Variants in ADAM11 observed in about 807,000 individuals in gnomAD.
ADAM11 encodes disintegrin and metalloproteinase domain-containing protein 11.
Under a neutral mutation model 119.1 loss-of-function variants are expected in ADAM11, and 49 were observed. The ratio of observed to expected loss-of-function variants is 0.41; its 90% CI spans 0.33 to 0.52. The LOEUF (loss-of-function observed/expected upper bound fraction) is 0.52. Ranked by LOEUF, ADAM11 falls within the 20% of genes least tolerant of loss-of-function variation. The pLI is 0.20. For missense variants in ADAM11, 777 were observed against 1,047.5 expected (o/e 0.74, Z 3.56); for synonymous variants, 364 against 408.0 (o/e 0.89, Z 1.30).
Position 44,777,878 on chromosome 17 carries a change from C to T in ADAM11, c.2070+15C>T. ...CCCACCACGGGGTGACTGCCTGGAG[C>T]CTGGGATGGCGGGAGAAGCTTACAA... is the stretch of plus-strand genomic sequence containing the variant. On this transcript the variant is annotated intron_variant, in intron 23 of 26. Transcript: ENST00000200557. The surrounding 1 kb of genome is among the most constrained non-coding windows in gnomAD (Gnocchi z 5.1). The T allele has an allele frequency of 6.2e-7, 1 of 1,613,484 alleles. No individual in the cohort carries two copies. Among genetic ancestry groups the T allele is most frequent in the South Asian group, 1.1e-5 (1 of 91,064 alleles).
chr17:44,769,145 G>A lies in ADAM11; in HGVS notation c.238-573G>A, dbSNP rs182224864. 2.1e-3 allele frequency among the ~76,000 whole-genome samples: 320 copies of A among 152,358 alleles called. 4 individuals carry two copies. The highest frequency in any genetic ancestry group is 6.8e-3 in the African/African-American group (282 of 41,590). ...ATGGATTTGGGGGTAGAGGAGCCAA[G>A]TCCTTACTCCCAACAGGATGGCACC... On this transcript the variant is annotated intron_variant, in intron 2 of 26. Transcript: ENST00000200557.
Position 44,774,760 on chromosome 17 carries a change from G to A in ADAM11, c.1220+11G>A, listed in dbSNP as rs1422321989. ...CATGGAGGACACTGGGTGAGTTCTT[G>A]GGGACAAACCGGGGGAAGGTCTTGG... On this transcript the variant is annotated intron_variant, in intron 14 of 26. Coordinates refer to ENST00000200557, the MANE Select transcript of ADAM11 (RefSeq NM_002390.6). The A allele has an allele frequency of 5.0e-6, 8 of 1,590,948 alleles. No homozygotes were observed. Among genetic ancestry groups the A allele is most frequent in the Non-Finnish European group, 6.8e-6 (8 of 1,174,122 alleles).
rs190314178 is a variant in ADAM11 at position 44,776,730 on chromosome 17, C to T, written c.1567-15C>T. On this transcript the variant is annotated splice_polypyrimidine_tract_variant and intron_variant, in intron 18 of 26. Coordinates refer to ENST00000200557, the MANE Select transcript of ADAM11 (RefSeq NM_002390.6). The surrounding 1 kb of genome is among the most constrained non-coding windows in gnomAD (Gnocchi z 5.2). Reference sequence around the variant, plus strand: ...CCTGGGACTGCTCCGCTCAACCCCACCCCTCTCTCCACAGTGCCCGCCTAA... The same window carrying T: ...CCTGGGACTGCTCCGCTCAACCCCATCCCTCTCTCCACAGTGCCCGCCTAA... 8.1e-6 allele frequency: 13 copies of T among 1,613,970 alleles called. No homozygotes were observed. The highest frequency in any genetic ancestry group is 1.1e-5 in the Non-Finnish European group (13 of 1,179,946).
At chr17:44,762,357 C>T (rs574647519) in intron 2 of ADAM11, among the ~76,000 whole-genome samples, 11 of 152,300 alleles carry the variant, frequency 7.2e-5, no homozygotes, top group South Asian at 2.1e-4. Flanking sequence ...TTTTCCCCAA[C>T]GGTAAGGAGA....
At position 44,773,170 on chromosome 17, in the gene ADAM11, C is replaced by T; in HGVS notation, c.825+85C>T. On this transcript the variant is annotated intron_variant, in intron 10 of 26. Coordinates refer to ENST00000200557, the MANE Select transcript of ADAM11 (RefSeq NM_002390.6). The surrounding 1 kb of genome is among the most constrained non-coding windows in gnomAD (Gnocchi z 4.6). ...ATTAGGGGGCACTGTCAGCCCCTGG[C>T]TCCCACTTCCTGGAGAGAACAGACA... The T allele has an allele frequency of 6.3e-7, 1 of 1,590,532 alleles. No homozygotes were observed. Among genetic ancestry groups the T allele is most frequent in the Non-Finnish European group, 8.6e-7 (1 of 1,162,354 alleles).
chr17:44,765,192 C>T (rs963123494), intron 2 of ADAM11, among the ~76,000 whole-genome samples: 2 of 13,582 alleles, frequency 1.5e-4, no homozygotes, highest in African/African-American at 2.9e-4. Flanking sequence ...AACACATTGC[C>T]GGGGGTGGGT....
At position 44,776,645 on chromosome 17, in the gene ADAM11, C is replaced by G; in HGVS notation, c.1567-100C>G. The G allele has an allele frequency of 7.0e-7, 1 of 1,434,584 alleles. No individual in the cohort carries two copies. The highest frequency in any genetic ancestry group is 9.6e-7 in the Non-Finnish European group (1 of 1,046,408). 88.9% of individuals were successfully genotyped at this position (1,434,584 alleles called of 1,614,324 possible). A position where few individuals can be genotyped will look rare whatever the true frequency, so the allele number is the denominator to read the frequency against. On this transcript the variant is annotated intron_variant, in intron 18 of 26. Coordinates refer to ENST00000200557, the MANE Select transcript of ADAM11 (RefSeq NM_002390.6). The surrounding 1 kb of genome is among the most constrained non-coding windows in gnomAD (Gnocchi z 5.2). ...CGTGGAAGAGCCCTGTGGCATGAGC[C>G]CCCAATGGGGGGCACTTGGTACCCC... is the stretch of plus-strand genomic sequence containing the variant.
chr17:44,769,838 G>A (rs746639364), intron 3 of ADAM11, 44 bp downstream of exon 3: 19 of 1,607,020 alleles, frequency 1.2e-5, no homozygotes, highest in Admixed American at 8.3e-5. Context: ...GTGGTGGGGC[G>A]GGGGAGACAT....
intron 25 of ADAM11, 140 bp from the exon 26 acceptor site, chr17:44,779,082 T>TA (rs1418742318): frequency 2.8e-6 from 3 of 1,083,398 alleles, no homozygotes; most frequent in Non-Finnish European, 4.0e-6. Flanking sequence ...CCCTGGCCCT[T>TA]ACATTAGTGT....
At position 44,779,438 on chromosome 17, in the gene ADAM11, C is replaced by G; in HGVS notation, c.2294+199C>G. ...GAAGAAGGTCCCAGCTGCCCTCGCC[C>G]TCGCCCGCTCAGGCCACGTCCTTCT... On this transcript the variant is annotated intron_variant, in intron 26 of 26. Transcript: ENST00000200557. 7.1e-6 allele frequency: 7 copies of G among 985,424 alleles called. 1 individual carries two copies. The South Asian group carries it at 2.8e-4, about 40-fold the overall frequency. 61.0% of individuals were successfully genotyped at this position (985,424 alleles called of 1,614,324 possible). A position where few individuals can be genotyped will look rare whatever the true frequency, so the allele number is the denominator to read the frequency against.
At chr17:44,759,552 C>T (rs905722576) in intron 1 of ADAM11, 170 bp from the exon 2 acceptor site, 3 of 1,259,044 alleles carry the variant, frequency 2.4e-6, no homozygotes, top group East Asian at 6.1e-5. Flanking sequence ...AAGCTCCTGG[C>T]CCCCTCCCCG....
intron 2 of ADAM11, among the ~76,000 whole-genome samples, chr17:44,766,808 A>G (rs1850549292): frequency 2.0e-5 from 3 of 152,278 alleles, no homozygotes; most frequent in South Asian, 4.1e-4. Flanking sequence ...CCTCAAGACC[A>G]AAGGCCCCTC....
In ADAM11 at chr17:44,776,807, GC is replaced by G. The variant is rs748769487; in HGVS notation, c.1617+17del. The G allele has an allele frequency of 3.7e-6, 6 of 1,614,002 alleles. No individual in the cohort carries two copies. Among genetic ancestry groups the G allele is most frequent in the Middle Eastern group, 1.6e-4 (1 of 6,082 alleles). Reference sequence around the variant, plus strand: ...GTGACCATGAGCAGGTATGATGGCTGCCCCCTGAGCCTGGGATTCAGGGCAG... The same window carrying G: ...GTGACCATGAGCAGGTATGATGGCTGCCCCTGAGCCTGGGATTCAGGGCAG... On this transcript the variant is annotated intron_variant, in intron 19 of 26. Transcript: ENST00000200557. The surrounding 1 kb of genome is among the most constrained non-coding windows in gnomAD (Gnocchi z 5.2).
intron 2 of ADAM11, among the ~76,000 whole-genome samples, chr17:44,761,824 GT>G (rs11352476): frequency 0.15 from 22,543 of 152,056 alleles, 1,724 homozygotes; most frequent in South Asian, 0.27. Flanking sequence ...TAACTTTTGT[GT>G]GTTTATGTGT....
rs905440660 is a variant in ADAM11, at chr17:44,772,083, A to G, written c.544-184A>G. Among the ~76,000 whole-genome samples, 6 of 152,006 alleles carry G rather than the reference A, an allele frequency of 3.9e-5. No homozygotes were observed. The highest frequency in any genetic ancestry group is 1.3e-4 in the Admixed American group (2 of 15,280). On this transcript the variant is annotated intron_variant, in intron 6 of 26. Coordinates refer to ENST00000200557, the MANE Select transcript of ADAM11 (RefSeq NM_002390.6). This position sits in a 1 kb window ranked among gnomAD's most constrained non-coding sequence, Gnocchi z 4.5. ...CCAATGTCCTTTGCCCCTGTCTCTC[A>G]GGGTGCCCCCAGGTCTTGACCCCGG...
rs12450742 is a variant in ADAM11, at chr17:44,773,573, T to A, written c.992+146T>A. 2.0e-6 allele frequency: 2 copies of A among 982,412 alleles called. No homozygotes were observed. The highest frequency in any genetic ancestry group is 3.3e-5 in the African/African-American group (2 of 61,008). The allele number at this position is 982,412 out of a possible 1,614,324, so 60.9% of individuals were successfully genotyped here. ...CACCTGCCACCTACCCCCAGCCACA[T>A]GCAACAGCTGGGCATCATCCCCTGA... is the stretch of plus-strand genomic sequence containing the variant. On this transcript the variant is annotated intron_variant, in intron 11 of 26. Coordinates refer to ENST00000200557, the MANE Select transcript of ADAM11 (RefSeq NM_002390.6). This position sits in a 1 kb window ranked among gnomAD's most constrained non-coding sequence, Gnocchi z 4.6.
At chr17:44,762,658 G>T (rs1160456636) in intron 2 of ADAM11, among the ~76,000 whole-genome samples, 1 of 152,084 alleles carries the variant, frequency 6.6e-6, no homozygotes, top group Non-Finnish European at 1.5e-5. Context: ...TGTGGCTTTG[G>T]GCAGGTCGTT....
rs540776746 is a variant in ADAM11 at position 44,774,894 on chromosome 17, C to A, written c.1220+145C>A. Reference sequence around the variant, plus strand: ...CCCAAGAAGCCCAGTTTTCCGCAAACACTGCCCCGGGAGACCCAGATTTCC... The same window carrying A: ...CCCAAGAAGCCCAGTTTTCCGCAAAAACTGCCCCGGGAGACCCAGATTTCC... On this transcript the variant is annotated intron_variant, in intron 14 of 26. Transcript: ENST00000200557. The A allele has an allele frequency of 8.3e-4, 918 of 1,103,076 alleles. 5 individuals are homozygous for A. The African/African-American group carries it at 0.013, about 16-fold the overall frequency. The allele number at this position is 1,103,076 out of a possible 1,614,324, so 68.3% of individuals were successfully genotyped here.
At chr17:44,763,317 C>A (rs183023722) in intron 2 of ADAM11, among the ~76,000 whole-genome samples, 221 of 152,306 alleles carry the variant, frequency 1.5e-3, no homozygotes, top group African/African-American at 5.2e-3. Context: ...ACGTAACTGC[C>A]CCAAGTGACA....
Sources: gnomAD v4.1 joint callset for allele counts (sites outside exome capture counted in the v4.1 genomes callset) on GRCh38, gnomAD v4.1.1 for gene constraint, Gnocchi (gnomAD v3.1) non-coding constraint, MANE v1.5 for transcripts, NCBI Gene and HGNC (gene_info 2026-07-23, HGNC 2026-07-21) for gene names.